Variants in SHROOM4 observed in about 807,000 individuals in gnomAD.
The protein encoded by SHROOM4 is shroom family member 4.
Under a neutral mutation model 80.3 loss-of-function variants are expected in SHROOM4, and 17 were observed. The observed-to-expected ratio is 0.21, with a 90% confidence interval of 0.14 to 0.32. The LOEUF is 0.32. SHROOM4 is among the 10% of genes least tolerant of loss of function. The pLI is 1.00. For missense variants in SHROOM4, 993 were observed against 1,140.3 expected (o/e 0.87, Z 1.86); for synonymous variants, 400 against 437.5 (o/e 0.91, Z 1.07).
At chrX:50,597,602 A>G (rs148312999) in intron 8 of SHROOM4, among the ~76,000 whole-genome samples, 12 of 111,366 alleles carry the variant, frequency 1.1e-4, no homozygotes, top group African/African-American at 3.9e-4. Flanking sequence ...ACTGGGAGCT[A>G]GCATTGATTC....
At chrX:50,610,352 T>TCTCTCTCACACACACACACACACACA (rs782591424) in intron 5 of SHROOM4, among the ~76,000 whole-genome samples, 1 of 91,709 alleles carries the variant, frequency 1.1e-5, no homozygotes, top group African/African-American at 4.6e-5. Context: ...TCTCTCTCTC[T>TCTCTCTCACACACACACACACACACA]CACACACACA....
chrX:50,645,565 T>C (rs1931799530), intron 2 of SHROOM4, among the ~76,000 whole-genome samples: 1 of 111,761 alleles, frequency 8.9e-6, no homozygotes, highest in South Asian at 3.8e-4. Context: ...AGTTGGGATG[T>C]CATCAGATGA....
chrX:50,685,778 T>C (rs1197830925), intron 2 of SHROOM4, among the ~76,000 whole-genome samples: 2 of 112,118 alleles, frequency 1.8e-5, no homozygotes, highest in African/African-American at 6.5e-5. Context: ...GCTCTAGCAG[T>C]ACATTTTCCT....
At chrX:50,649,345 G>A (rs1271108452) in intron 2 of SHROOM4, among the ~76,000 whole-genome samples, 1 of 112,044 alleles carries the variant, frequency 8.9e-6, no homozygotes, top group Non-Finnish European at 1.9e-5. Context: ...TCCAGAGGAG[G>A]CAGCCGAGGC....
chrX:50,706,935 G>T (rs1407430116), intron 1 of SHROOM4, among the ~76,000 whole-genome samples: 1 of 111,227 alleles, frequency 9.0e-6, no homozygotes, highest in African/African-American at 3.3e-5. Flanking sequence ...GCCTTAGGAA[G>T]TTAATTTAAA....
At chrX:50,751,982 T>C (rs1557268082) in intron 1 of SHROOM4, among the ~76,000 whole-genome samples, 1 of 112,457 alleles carries the variant, frequency 8.9e-6, no homozygotes, top group African/African-American at 3.2e-5. Flanking sequence ...GGCACATTTC[T>C]GTAAATGAAA....
chrX:50,596,205 G>A lies in SHROOM4; in HGVS notation c.*490C>T. ...TCTGTGCTTTCCCCTGCAAAGCTTG[G>A]GTGAGGCCCTGAAACTGGTGCCAGG... On this transcript the variant is annotated 3_prime_UTR_variant, in exon 9 of 9. Coordinates refer to ENST00000376020, the MANE Select transcript of SHROOM4 (RefSeq NM_020717.5). 1 of 332,399 alleles carries A rather than the reference G, an allele frequency of 3.0e-6. No homozygotes were observed. Among genetic ancestry groups the A allele is most frequent in the Non-Finnish European group, 5.8e-6 (1 of 171,683 alleles). The allele number at this position is 332,399 out of a possible 1,213,427, so 27.4% of individuals were successfully genotyped here.
chrX:50,672,920 CA>C (rs1195788053), intron 2 of SHROOM4, among the ~76,000 whole-genome samples: 1 of 111,523 alleles, frequency 9.0e-6, no homozygotes, highest in African/African-American at 3.3e-5. Context: ...ACTTTCAATC[CA>C]GAATCCTATG....
intron 1 of SHROOM4, among the ~76,000 whole-genome samples, chrX:50,739,506 CA>C (rs1934594501): frequency 9.0e-6 from 1 of 111,068 alleles, no homozygotes; most frequent in Admixed American, 9.6e-5. Context: ...ACAACCCCAT[CA>C]AAAAGTGGGT....
At chrX:50,697,557 C>T (rs1181865958) in intron 1 of SHROOM4, among the ~76,000 whole-genome samples, 2 of 110,803 alleles carry the variant, frequency 1.8e-5, no homozygotes, top group African/African-American at 3.4e-5. Flanking sequence ...AATGTTATTA[C>T]ATTTATTGCT....
chrX:50,742,051 A>G (rs1340533196), intron 1 of SHROOM4, among the ~76,000 whole-genome samples: 1 of 111,152 alleles, frequency 9.0e-6, no homozygotes, highest in Non-Finnish European at 1.9e-5. Context: ...AGAAAAATGT[A>G]TGTAATTATA....
chrX:50,653,926 G>A (rs940118349), intron 2 of SHROOM4, among the ~76,000 whole-genome samples: 1 of 111,986 alleles, frequency 8.9e-6, no homozygotes, highest in African/African-American at 3.2e-5. Flanking sequence ...CTTGATCGTG[G>A]TGGATCCTCT....
intron 1 of SHROOM4, among the ~76,000 whole-genome samples, chrX:50,787,717 A>T (rs1557271185): frequency 9.1e-6 from 1 of 109,318 alleles, no homozygotes; most frequent in East Asian, 2.9e-4. Flanking sequence ...CTATCAGTGG[A>T]TTTCTCAGCT....
chrX:50,730,922 G>C (rs1557266260), intron 1 of SHROOM4, among the ~76,000 whole-genome samples: 1 of 111,337 alleles, frequency 9.0e-6, no homozygotes, highest in Non-Finnish European at 1.9e-5. Context: ...GATACCCAAT[G>C]GTAACTCAAG....
chrX:50,805,156 T>C (rs1267866427), intron 1 of SHROOM4, among the ~76,000 whole-genome samples: 1 of 111,521 alleles, frequency 9.0e-6, no homozygotes, highest in African/African-American at 3.3e-5. Flanking sequence ...CTTTAGCTTG[T>C]CATCCTCTCA....
At chrX:50,790,922 G>A (rs187913679) in intron 1 of SHROOM4, among the ~76,000 whole-genome samples, 8 of 111,186 alleles carry the variant, frequency 7.2e-5, no homozygotes, top group Admixed American at 1.9e-4. Flanking sequence ...TCAACATAGT[G>A]CTGGAATTCT....
chrX:50,660,950 C>A (rs986992319), intron 2 of SHROOM4, among the ~76,000 whole-genome samples: 2 of 110,020 alleles, frequency 1.8e-5, no homozygotes, highest in Admixed American at 1.9e-4. Context: ...AGCCCACTTT[C>A]TTTTTGTCTG....
chrX:50,769,642 T>G (rs1557269564), intron 1 of SHROOM4, among the ~76,000 whole-genome samples: 1 of 111,754 alleles, frequency 8.9e-6, no homozygotes, highest in East Asian at 2.8e-4. Context: ...AAACAAGACC[T>G]CCTGGGCTTA....
In SHROOM4 at chrX:50,595,805, A is replaced by T. The variant is rs1569546289; in HGVS notation, c.*890T>A. On this transcript the variant is annotated 3_prime_UTR_variant, in exon 9 of 9. Coordinates refer to ENST00000376020, the MANE Select transcript of SHROOM4 (RefSeq NM_020717.5). The stretch of plus-strand genomic sequence containing the variant: ...GCCTTATTAGTTAAAAAAGAAAAAA[A>T]TAATCAAAACATAAAAATAAATAAA... 1 of 311,583 alleles carries T rather than the reference A, an allele frequency of 3.2e-6. No individual in the cohort carries two copies. The highest frequency in any genetic ancestry group is 6.0e-6 in the Non-Finnish European group (1 of 165,455). 25.7% of individuals were successfully genotyped at this position (311,583 alleles called of 1,213,427 possible). A position where few individuals can be genotyped will look rare whatever the true frequency, so the allele number is the denominator to read the frequency against.
Sources: allele counts gnomAD v4.1 joint callset (sites outside exome capture counted in the v4.1 genomes callset), GRCh38; gene constraint gnomAD v4.1.1; transcripts MANE v1.5; gene names NCBI Gene and HGNC (gene_info 2026-07-23, HGNC 2026-07-21).